Variants in ANGPT1 observed in about 807,000 individuals in gnomAD.
ANGPT1 encodes the protein angiopoietin-1.
Under a neutral mutation model 62.2 loss-of-function variants are expected in ANGPT1, and 17 were observed. The observed-to-expected ratio is 0.27, with a 90% CI of 0.19 to 0.41. The LOEUF is 0.41. Ranked by LOEUF, ANGPT1 falls within the 10% of genes least tolerant of loss-of-function variation. The pLI, the probability that ANGPT1 is intolerant of heterozygous loss-of-function variation, is 1.00. For missense variants in ANGPT1, 478 were observed against 594.9 expected, an observed-to-expected ratio of 0.80 and a Z score of 2.04; for synonymous variants, 199 against 198.9, an observed-to-expected ratio of 1.00 and a Z score of 0.00.
At chr8:107,390,091 C>T (rs1326832522) in intron 1 of ANGPT1, among the ~76,000 whole-genome samples, 3 of 152,078 alleles carry the variant, frequency 2.0e-5, no homozygotes, top group Non-Finnish European at 4.4e-5. Context: ...GGTTAACTGG[C>T]CAAATACAAC....
chr8:107,337,993 G>A (rs1426892611), intron 2 of ANGPT1, among the ~76,000 whole-genome samples: 1 of 152,150 alleles, frequency 6.6e-6, no homozygotes, highest in Non-Finnish European at 1.5e-5. Context: ...CTACTCAGGA[G>A]GCTAAGGAAG....
At position 107,474,557 on chromosome 8, in the gene ANGPT1, C is replaced by T. The variant is rs186301997; in HGVS notation, c.297+22705G>A. Among the ~76,000 whole-genome samples the T allele has an allele frequency of 9.3e-3, 1,418 of 152,130 alleles. 22 individuals carry two copies. The highest frequency in any genetic ancestry group is 0.031 in the African/African-American group (1,290 of 41,514). ...GGATGACCTCTCTCACCACTCCTAT[C>T]CAACATAGTGTTGGAAGTTCTGGCC... On this transcript the variant is annotated intron_variant, in intron 1 of 8. Transcript: ENST00000517746.
At chr8:107,478,894 G>A (rs2130515684) in intron 1 of ANGPT1, among the ~76,000 whole-genome samples, 1 of 152,098 alleles carries the variant, frequency 6.6e-6, no homozygotes, top group East Asian at 1.9e-4. Context: ...CATACTAAGT[G>A]CCCAAAATAT....
chr8:107,362,505 G>A (rs77015844), intron 1 of ANGPT1, among the ~76,000 whole-genome samples: 147 of 152,156 alleles, frequency 9.7e-4, no homozygotes, highest in African/African-American at 3.5e-3. Flanking sequence ...CTGTCCTGAT[G>A]TGCATTCCCA....
chr8:107,370,089 A>G (rs1816352154), intron 1 of ANGPT1, among the ~76,000 whole-genome samples: 1 of 151,052 alleles, frequency 6.6e-6, no homozygotes, highest in East Asian at 2.0e-4. Context: ...GAGAGCCATG[A>G]TCATGCTATT....
chr8:107,288,052 G>A (rs1216587023), intron 6 of ANGPT1, among the ~76,000 whole-genome samples: 1 of 151,946 alleles, frequency 6.6e-6, no homozygotes, highest in Non-Finnish European at 1.5e-5. Flanking sequence ...CTTTGTATAA[G>A]AAAAGGAAAA....
chr8:107,286,864 T>G (rs1814154338), intron 6 of ANGPT1, among the ~76,000 whole-genome samples: 1 of 152,104 alleles, frequency 6.6e-6, no homozygotes, highest in Non-Finnish European at 1.5e-5. Flanking sequence ...GCTAAGAATT[T>G]TACACATTTT....
intron 1 of ANGPT1, among the ~76,000 whole-genome samples, chr8:107,348,577 A>C (rs544102963): frequency 3.3e-5 from 5 of 152,224 alleles, no homozygotes; most frequent in Non-Finnish European, 7.3e-5. Flanking sequence ...TATAAAACAA[A>C]TACAAAATAT....
At chr8:107,297,946 T>A (rs1359260407) in intron 5 of ANGPT1, among the ~76,000 whole-genome samples, 2 of 151,884 alleles carry the variant, frequency 1.3e-5, no homozygotes, top group African/African-American at 4.8e-5. Flanking sequence ...ATGAAAGACT[T>A]GAAAAGTTCA....
At chr8:107,389,262 G>T (rs1285979586) in intron 1 of ANGPT1, among the ~76,000 whole-genome samples, 6 of 151,992 alleles carry the variant, frequency 3.9e-5, no homozygotes, top group Admixed American at 2.6e-4. Flanking sequence ...CTATCTCTTG[G>T]GTTTGTTCTG....
At chr8:107,473,129 C>G (rs1333607323) in intron 1 of ANGPT1, among the ~76,000 whole-genome samples, 1 of 151,958 alleles carries the variant, frequency 6.6e-6, no homozygotes, top group Non-Finnish European at 1.5e-5. Flanking sequence ...TACTTTATTT[C>G]TAGGCATAAA....
intron 1 of ANGPT1, among the ~76,000 whole-genome samples, chr8:107,418,260 A>T (rs1810805401): frequency 6.6e-6 from 1 of 152,178 alleles, no homozygotes; most frequent in South Asian, 2.1e-4. Context: ...CCCCGTCACC[A>T]TTTTACCATT....
chr8:107,355,977 C>G (rs1586251257), intron 1 of ANGPT1, among the ~76,000 whole-genome samples: 1 of 152,148 alleles, frequency 6.6e-6, no homozygotes. Context: ...GGTCTCAATA[C>G]CATTTTGATA....
intron 1 of ANGPT1, among the ~76,000 whole-genome samples, chr8:107,432,479 G>A (rs1250967113): frequency 2.0e-5 from 3 of 152,114 alleles, no homozygotes; most frequent in Admixed American, 6.5e-5. Context: ...CCTGGCTAAC[G>A]TAGTGAAACC....
At chr8:107,293,381 G>C (rs1300940755) in intron 6 of ANGPT1, among the ~76,000 whole-genome samples, 1 of 152,078 alleles carries the variant, frequency 6.6e-6, no homozygotes, top group East Asian at 1.9e-4. Flanking sequence ...TCATTTCTGG[G>C]TCTAATAAAA....
At chr8:107,411,013 T>C (rs1411012838) in intron 1 of ANGPT1, among the ~76,000 whole-genome samples, 1 of 152,176 alleles carries the variant, frequency 6.6e-6, no homozygotes, top group Non-Finnish European at 1.5e-5. Context: ...ATAACACTGG[T>C]TTCTGTGGAT....
intron 1 of ANGPT1, among the ~76,000 whole-genome samples, chr8:107,447,735 G>A (rs1473428749): frequency 6.6e-6 from 1 of 152,270 alleles, no homozygotes; most frequent in African/African-American, 2.4e-5. Context: ...AGGCTCCTAG[G>A]CAATGAAATA....
At chr8:107,303,120 A>G (rs878909394) in intron 5 of ANGPT1, 120 bp downstream of exon 5, 1 of 1,201,318 alleles carries the variant, frequency 8.3e-7, no homozygotes. Context: ...CTCTGGGAGA[A>G]AAAAGTTCAG....
intron 1 of ANGPT1, among the ~76,000 whole-genome samples, chr8:107,392,711 A>G (rs900791720): frequency 8.5e-5 from 13 of 152,130 alleles, no homozygotes; most frequent in Non-Finnish European, 1.6e-4. Flanking sequence ...CTCACAAATT[A>G]TTTTAGAATA....
Sources: gnomAD v4.1 joint callset for allele counts (sites outside exome capture counted in the v4.1 genomes callset) on GRCh38, gnomAD v4.1.1 for gene constraint, MANE v1.5 for transcripts, NCBI Gene and HGNC (gene_info 2026-07-23, HGNC 2026-07-21) for gene names.